TAF7L: variants seen among roughly 807,000 people sequenced by gnomAD.
TAF7L encodes the protein TATA-box binding protein associated factor 7 like, also known as transcription initiation factor TFIID subunit 7-like.
Under a neutral mutation model 30.2 loss-of-function variants are expected in TAF7L, and 6 were observed. That is an observed-to-expected ratio of 0.20 (90% CI 0.11 to 0.39). TAF7L has a LOEUF of 0.39. Among genes scored for constraint, TAF7L ranks in the 10% least tolerant of loss-of-function variants. TAF7L has a pLI of 1.00. For missense variants in TAF7L, 284 were observed against 277.1 expected (o/e 1.03, Z -0.18); for synonymous variants, 93 against 94.5 (o/e 0.98, Z 0.09).
chrX:101,276,591 G>A (rs751746029), intron 9 of TAF7L, 63 bp from the exon 10 acceptor site: 91 of 1,099,024 alleles, frequency 8.3e-5, no homozygotes, highest in Middle Eastern at 3.2e-4. Flanking sequence ...TCATACTCCA[G>A]ATATAATTAT....
rs35899692 is a variant in TAF7L, at chrX:101,277,633, T to C, written c.664A>G (p.Ser222Gly). 0.14 allele frequency: 171,307 copies of C among 1,193,523 alleles called. 9,429 individuals carry two copies. Among genetic ancestry groups the C allele is most frequent in the East Asian group, 0.28 (9,118 of 33,102 alleles). ...PGFLISSGMS[S>G]HKQGHTSSEY... is the part of the protein sequence containing the mutation. ...GACGAGGTATGACCCTGCTTGTGGCTGCTCATTCCCGAGGATATCAAAAAT... is the reference window on the plus strand; with the variant it reads ...GACGAGGTATGACCCTGCTTGTGGCCGCTCATTCCCGAGGATATCAAAAAT... The change falls in exon 9 of 13, where the codon AGC becomes GGC. Residue 222 changes from serine (S) to glycine (G), a missense_variant. By Grantham distance (56) the Ser-to-Gly change is moderately conservative (BLOSUM62 0). Coordinates refer to ENST00000356784, the MANE Select transcript of TAF7L (RefSeq NM_001168474.2).
intron 5 of TAF7L, 89 bp from the exon 6 acceptor site, chrX:101,281,864 C>T (rs1924419553): frequency 2.3e-6 from 2 of 852,926 alleles, no homozygotes; most frequent in Admixed American, 5.3e-5. Context: ...TGCTATAAAC[C>T]AAAGGGTCAT....
intron 8 of TAF7L, 30 bp from the exon 9 acceptor site, chrX:101,277,749 C>T (rs1924262130): frequency 9.7e-7 from 1 of 1,031,986 alleles, no homozygotes; most frequent in Non-Finnish European, 1.3e-6. Flanking sequence ...AAGGAAAACA[C>T]AGAAGGAAAC....
intron 6 of TAF7L, among the ~76,000 whole-genome samples, chrX:101,279,681 T>C (rs979213387): frequency 3.6e-5 from 4 of 111,552 alleles, no homozygotes; most frequent in Non-Finnish European, 7.5e-5. Context: ...TAAACAATAT[T>C]GACAAAGAAA....
chrX:101,271,404 T>C (rs1923961377), intron 12 of TAF7L, among the ~76,000 whole-genome samples: 1 of 112,312 alleles, frequency 8.9e-6, no homozygotes, highest in East Asian at 2.8e-4. Flanking sequence ...CTATCGTTCC[T>C]AGGTTACAAA....
At chrX:101,277,170 A>T (rs2147372308) in intron 9 of TAF7L, among the ~76,000 whole-genome samples, 1 of 95,755 alleles carries the variant, frequency 1.0e-5, no homozygotes, top group South Asian at 5.0e-4. Flanking sequence ...AAAAAAAAAA[A>T]AAAAAAGGCC....
rs1924181212 is a variant in TAF7L at position 101,276,425 on chromosome X, T to C, written c.795A>G (p.Glu265=). 3 of 1,208,036 alleles carry C rather than the reference T, an allele frequency of 2.5e-6. No homozygotes were observed. The highest frequency in any genetic ancestry group is 3.0e-5 in the East Asian group (1 of 33,827). The change falls in exon 10 of 13, where the codon GAA becomes GAG. Residue 265 remains glutamate (E), a synonymous_variant. Coordinates refer to ENST00000356784, the MANE Select transcript of TAF7L (RefSeq NM_001168474.2). ...EDEDEDEDED[E]DEDKEEEEED... is the part of the protein sequence containing the mutation. ...CCTCCTCCTCTTCTTTGTCTTCATCTTCATCCTCATCCTCATCCTCATCCT... is the reference window on the plus strand; with the variant it reads ...CCTCCTCCTCTTCTTTGTCTTCATCCTCATCCTCATCCTCATCCTCATCCT...
rs1924441031 is a variant in TAF7L at position 101,282,323 on chromosome X, T to C, written c.406+4A>G. 8.3e-7 allele frequency: 1 copy of C among 1,209,435 alleles called. No homozygotes were observed. The highest frequency in any genetic ancestry group is 1.1e-6 in the Non-Finnish European group (1 of 894,994). On this transcript the variant is annotated splice_donor_region_variant and intron_variant, in intron 5 of 12. Transcript: ENST00000356784. ...CAGGAATGAGCAAGGGGCTGGTGACTTACTGCCATGCTTCCAGACACATTT... is the reference window on the plus strand; with the variant it reads ...CAGGAATGAGCAAGGGGCTGGTGACCTACTGCCATGCTTCCAGACACATTT...
chrX:101,277,556 A>C, intron 9 of TAF7L, 50 bp downstream of exon 9: 1 of 653,451 alleles, frequency 1.5e-6, no homozygotes, highest in South Asian at 3.7e-5. Context: ...TCTGATACCC[A>C]GTCAATACCT....
At chrX:101,292,775 TA>T (rs1924870937), upstream of TAF7L, 2 of 1,197,950 alleles carry the variant, frequency 1.7e-6, no homozygotes, top group Admixed American at 2.2e-5. Flanking sequence ...GGAACAAGCT[TA>T]AAAAACCACC....
At chrX:101,282,227 C>G (rs1479056159) in intron 5 of TAF7L, 100 bp downstream of exon 5, 2 of 1,086,888 alleles carry the variant, frequency 1.8e-6, no homozygotes, top group Non-Finnish European at 2.5e-6. Context: ...CCTAATGAAC[C>G]AAACACCTAA....
chrX:101,286,767 G>T, intron 2 of TAF7L, 114 bp from the exon 3 acceptor site: 1 of 500,949 alleles, frequency 2.0e-6, no homozygotes, highest in Non-Finnish European at 3.3e-6. Flanking sequence ...CCTCCCAAAT[G>T]TTACTAACAA....
chrX:101,289,192 C>T (rs1924714760), intron 1 of TAF7L, among the ~76,000 whole-genome samples: 1 of 111,851 alleles, frequency 8.9e-6, no homozygotes, highest in African/African-American at 3.3e-5. Context: ...ATATAATATC[C>T]TCCAGATTCA....
At chrX:101,292,937 G>T, upstream of TAF7L, 1 of 1,210,829 alleles carries the variant, frequency 8.3e-7, no homozygotes, top group Non-Finnish European at 1.1e-6. Flanking sequence ...TCAGACCCAC[G>T]GTCGACAAGA....
chrX:101,279,565 G>A (rs1470050336), intron 6 of TAF7L, among the ~76,000 whole-genome samples: 4 of 111,506 alleles, frequency 3.6e-5, no homozygotes, highest in African/African-American at 1.3e-4. Context: ...AGACTGCAGT[G>A]AGCAGAGATC....
chrX:101,282,592 T>C (rs1179015223), intron 4 of TAF7L, 139 bp from the exon 5 acceptor site: 5 of 692,307 alleles, frequency 7.2e-6, no homozygotes, highest in Non-Finnish European at 8.5e-6. Flanking sequence ...GTAATGTACA[T>C]TTATATTCTC....
chrX:101,277,841 G>A (rs1441729928), intron 8 of TAF7L, 122 bp from the exon 9 acceptor site: 4 of 568,026 alleles, frequency 7.0e-6, no homozygotes, highest in Non-Finnish European at 8.6e-6. Context: ...ATTTGTATTG[G>A]AATTCCTAGT....
intron 12 of TAF7L, among the ~76,000 whole-genome samples, chrX:101,270,906 C>T (rs1395872831): frequency 9.0e-6 from 1 of 111,697 alleles, no homozygotes; most frequent in Non-Finnish European, 1.9e-5. Context: ...GCATCACCAC[C>T]TCTGAGCCAG....
Position 101,276,500 on chromosome X carries a change from A to G in TAF7L, c.720T>C (p.Ser240=), listed in dbSNP as rs1444079220. The change falls in exon 10 of 13, where the codon AGT becomes AGC. Residue 240 remains serine, a synonymous_variant. Coordinates refer to ENST00000356784, the MANE Select transcript of TAF7L (RefSeq NM_001168474.2). The stretch of plus-strand genomic sequence containing the variant: ...CATCATCATTGTTACTTCTAGAATC[A>G]CTGAACATCTCCCGAAGCATATCAT... ...SEYDMLREMF[S]DSRSNNDDDE... 4 of 1,208,576 alleles carry G rather than the reference A, an allele frequency of 3.3e-6. No individual in the cohort carries two copies. The highest frequency in any genetic ancestry group is 4.5e-6 in the Non-Finnish European group (4 of 894,759).
Sources: allele counts gnomAD v4.1 joint callset (sites outside exome capture counted in the v4.1 genomes callset), GRCh38; gene constraint gnomAD v4.1.1; transcripts MANE v1.5; gene names NCBI Gene and HGNC (gene_info 2026-07-23, HGNC 2026-07-21).